Variants in ELAVL2 observed in about 807,000 individuals in gnomAD.
ELAVL2 encodes the protein ELAV like RNA binding protein 2.
A neutral mutation model predicts 34.6 loss-of-function variants in ELAVL2; 4 were observed. The observed-to-expected ratio is 0.12, with a 90% confidence interval of 0.06 to 0.26. The LOEUF (loss-of-function observed/expected upper bound fraction) is 0.26. ELAVL2 is among the 10% of genes least tolerant of loss of function. ELAVL2 has a pLI of 1.00. For missense variants in ELAVL2, 432 were observed against 442.8 expected, an observed-to-expected ratio of 0.98 and a Z score of 0.22; for synonymous variants, 193 against 154.8, an observed-to-expected ratio of 1.25 and a Z score of -1.83.
At chr9:23,756,209 A>G (rs1381347819) in intron 2 of ELAVL2, among the ~76,000 whole-genome samples, 2 of 152,190 alleles carry the variant, frequency 1.3e-5, no homozygotes, top group African/African-American at 4.8e-5. Context: ...AACCTAGCTA[A>G]GAACACTCAT....
chr9:23,768,927 A>G (rs922535103), intron 1 of ELAVL2, among the ~76,000 whole-genome samples: 1 of 152,196 alleles, frequency 6.6e-6, no homozygotes, highest in African/African-American at 2.4e-5. Context: ...GCAAACAGAA[A>G]CGATAACATC....
At chr9:23,763,791 C>T (rs1022967752) in intron 1 of ELAVL2, among the ~76,000 whole-genome samples, 13 of 152,160 alleles carry the variant, frequency 8.5e-5, no homozygotes, top group East Asian at 1.9e-4. Flanking sequence ...GAGGCAAAAT[C>T]CAGAATAGCT....
chr9:23,810,722 T>C (rs1022551990), intron 1 of ELAVL2, among the ~76,000 whole-genome samples: 1 of 152,162 alleles, frequency 6.6e-6, no homozygotes. Context: ...GGTTGTATCC[T>C]TGGGCAAACC....
intron 1 of ELAVL2, among the ~76,000 whole-genome samples, chr9:23,784,163 A>T (rs1188686539): frequency 6.6e-6 from 1 of 151,008 alleles, no homozygotes; most frequent in Middle Eastern, 3.3e-3. Flanking sequence ...GCGCCACGAC[A>T]CTCCAGCCTG....
chr9:23,766,582 C>CA (rs2056305198), intron 1 of ELAVL2, among the ~76,000 whole-genome samples: 1 of 152,170 alleles, frequency 6.6e-6, no homozygotes, highest in African/African-American at 2.4e-5. Flanking sequence ...CTGAAAGCCC[C>CA]AGGGAGGTGA....
chr9:23,768,359 G>C (rs1190427998), intron 1 of ELAVL2, among the ~76,000 whole-genome samples: 1 of 151,420 alleles, frequency 6.6e-6, no homozygotes, highest in Non-Finnish European at 1.5e-5. Context: ...ACTAAGCATT[G>C]AAAAAGCAAA....
At chr9:23,697,280 C>T (rs753734001) in intron 5 of ELAVL2, among the ~76,000 whole-genome samples, 3 of 151,928 alleles carry the variant, frequency 2.0e-5, no homozygotes, top group African/African-American at 4.8e-5. Context: ...AAGGGAGAGC[C>T]GATTATTTCT....
At chr9:23,704,578 G>C (rs2038673407) in intron 4 of ELAVL2, among the ~76,000 whole-genome samples, 1 of 152,118 alleles carries the variant, frequency 6.6e-6, no homozygotes, top group African/African-American at 2.4e-5. Context: ...TTTGACAAAA[G>C]AAAGGTTGTT....
chr9:23,787,121 A>G (rs2059785885), intron 1 of ELAVL2, among the ~76,000 whole-genome samples: 1 of 152,324 alleles, frequency 6.6e-6, no homozygotes, highest in Admixed American at 6.5e-5. Context: ...CATTTGGAAA[A>G]GGAAGACAAC....
intron 2 of ELAVL2, among the ~76,000 whole-genome samples, chr9:23,731,623 G>A (rs717720): frequency 6.6e-6 from 1 of 152,130 alleles, no homozygotes; most frequent in Non-Finnish European, 1.5e-5. Context: ...AAATGGTGAA[G>A]AACCATGTGT....
intron 2 of ELAVL2, among the ~76,000 whole-genome samples, chr9:23,758,892 A>G (rs1376248229): frequency 6.6e-6 from 1 of 152,098 alleles, no homozygotes; most frequent in African/African-American, 2.4e-5. Context: ...TACTTATGTT[A>G]AGAAATAATT....
intron 3 of ELAVL2, among the ~76,000 whole-genome samples, chr9:23,711,273 T>C (rs890244026): frequency 6.6e-6 from 1 of 152,070 alleles, no homozygotes; most frequent in Non-Finnish European, 1.5e-5. Context: ...CAGTGGAAAA[T>C]ACACACAGAA....
At chr9:23,791,455 T>A (rs567028351) in intron 1 of ELAVL2, among the ~76,000 whole-genome samples, 1 of 152,224 alleles carries the variant, frequency 6.6e-6, no homozygotes, top group Non-Finnish European at 1.5e-5. Context: ...AACGTGACTA[T>A]ATTTGAAAAC....
At position 23,813,648 on chromosome 9, in the gene ELAVL2, G is replaced by A. The variant is rs141574593; in HGVS notation, c.-16+12158C>T. On this transcript the variant is annotated intron_variant, in intron 1 of 6. Coordinates refer to ENST00000397312, the MANE Select transcript of ELAVL2 (RefSeq NM_004432.5). ...ATGGGGACAGTTCTAAAATCCCAGG[G>A]GGGGAGGAGAGAAAAGGTAAGTTAA... Among the ~76,000 whole-genome samples the A allele has an allele frequency of 5.6e-3, 852 of 152,238 alleles. 7 individuals carry two copies. Among genetic ancestry groups the A allele is most frequent in the African/African-American group, 0.02 (811 of 41,548 alleles).
chr9:23,726,076 G>GAA (rs929113508), intron 3 of ELAVL2, among the ~76,000 whole-genome samples: 1 of 146,256 alleles, frequency 6.8e-6, no homozygotes, highest in Admixed American at 6.8e-5. Flanking sequence ...ATGCTGAACA[G>GAA]AAAAAAAAAA....
intron 2 of ELAVL2, among the ~76,000 whole-genome samples, chr9:23,752,197 G>C (rs2052261751): frequency 6.6e-6 from 1 of 152,204 alleles, no homozygotes; most frequent in Middle Eastern, 3.4e-3. Context: ...CTGTGTGCTA[G>C]GTACTTTATG....
chr9:23,698,548 T>A (rs1280883795), intron 5 of ELAVL2, among the ~76,000 whole-genome samples: 1 of 152,198 alleles, frequency 6.6e-6, no homozygotes, highest in Admixed American at 6.5e-5. Flanking sequence ...CCCAAGGTAC[T>A]ATGAGAACAT....
chr9:23,755,938 T>C (rs1056532997), intron 2 of ELAVL2, among the ~76,000 whole-genome samples: 7 of 152,132 alleles, frequency 4.6e-5, no homozygotes, highest in Non-Finnish European at 8.8e-5. Context: ...CAAAATCACA[T>C]TTTCAAATTA....
intron 3 of ELAVL2, among the ~76,000 whole-genome samples, chr9:23,722,290 C>T (rs952932815): frequency 2.6e-5 from 4 of 152,140 alleles, no homozygotes; most frequent in Non-Finnish European, 2.9e-5. Flanking sequence ...AAAACATTGT[C>T]GAAGAATGCG....
Sources: allele counts gnomAD v4.1 joint callset (sites outside exome capture counted in the v4.1 genomes callset), GRCh38; gene constraint gnomAD v4.1.1; transcripts MANE v1.5; gene names NCBI Gene and HGNC (gene_info 2026-07-23, HGNC 2026-07-21).